Variants in ASAP1 observed in about 807,000 individuals in gnomAD.
The protein encoded by ASAP1 is arf-GAP with SH3 domain, ANK repeat and PH domain-containing protein 1.
Under a neutral mutation model 145.2 loss-of-function variants are expected in ASAP1, and 43 were observed. The observed-to-expected ratio is 0.30, with a 90% CI of 0.23 to 0.38. The LOEUF (loss-of-function observed/expected upper bound fraction) is 0.38. Ranked by LOEUF, ASAP1 falls within the 10% of genes least tolerant of loss-of-function variation. ASAP1 has a pLI of 1.00. For missense variants in ASAP1, 1,018 were observed against 1,355.3 expected, an observed-to-expected ratio of 0.75 and a Z score of 3.91; for synonymous variants, 546 against 515.5, an observed-to-expected ratio of 1.06 and a Z score of -0.80.
At chr8:130,269,505 T>G (rs945105606) in intron 3 of ASAP1, among the ~76,000 whole-genome samples, 1 of 152,266 alleles carries the variant, frequency 6.6e-6, no homozygotes, top group African/African-American at 2.4e-5. Flanking sequence ...GTTAAACTTA[T>G]GTCCCAACAG....
intron 1 of ASAP1, among the ~76,000 whole-genome samples, chr8:130,434,176 C>A (rs10098622): frequency 0.3 from 44,987 of 151,980 alleles, 6,885 homozygotes; most frequent in Middle Eastern, 0.35. Flanking sequence ...ATTAACTGTG[C>A]CTGGTGGCGC....
intron 27 of ASAP1, among the ~76,000 whole-genome samples, chr8:130,066,559 ATTCTTTCTTTCTTTT>A (rs944743171): frequency 1.3e-5 from 2 of 148,330 alleles, no homozygotes; most frequent in African/African-American, 2.5e-5. Context: ...TTTCTTTCTC[ATTCTTTCTTTCTTTT>A]TTCTTTCTTT....
At chr8:130,118,803 AC>A in intron 18 of ASAP1, 128 bp from the exon 19 acceptor site, 1 of 656,374 alleles carries the variant, frequency 1.5e-6, no homozygotes. Flanking sequence ...ATTCAAATAA[AC>A]CAGGTTTTAG....
chr8:130,303,028 T>TA (rs1003203349), intron 3 of ASAP1, among the ~76,000 whole-genome samples: 3 of 152,186 alleles, frequency 2.0e-5, no homozygotes, highest in Admixed American at 6.5e-5. Context: ...TTTGTTTGGT[T>TA]AAAAACCAAA....
intron 3 of ASAP1, among the ~76,000 whole-genome samples, chr8:130,264,368 G>A (rs746860594): frequency 1.3e-5 from 2 of 152,130 alleles, no homozygotes; most frequent in East Asian, 1.9e-4. Context: ...AGATGGACAC[G>A]ACTCTCAGGC....
chr8:130,093,076 C>A (rs2097509009), intron 24 of ASAP1, among the ~76,000 whole-genome samples: 2 of 151,794 alleles, frequency 1.3e-5, no homozygotes, highest in Non-Finnish European at 1.5e-5. Context: ...GAAGCCTGAA[C>A]AACATTTATA....
chr8:130,276,428 T>C (rs555080208), intron 3 of ASAP1, among the ~76,000 whole-genome samples: 1 of 152,258 alleles, frequency 6.6e-6, no homozygotes, highest in East Asian at 1.9e-4. Context: ...ATTCAAAATT[T>C]AGGCTTTTCT....
At chr8:130,180,907 T>TGAAA (rs1554840884) in intron 7 of ASAP1, 27 bp from the exon 8 acceptor site, 7 of 1,323,216 alleles carry the variant, frequency 5.3e-6, no homozygotes, top group Non-Finnish European at 7.2e-6. Context: ...TGTCATTATT[T>TGAAA]AAAAAAAAAA....
intron 3 of ASAP1, among the ~76,000 whole-genome samples, chr8:130,344,358 G>A (rs1825574096): frequency 1.3e-5 from 2 of 151,774 alleles, no homozygotes; most frequent in African/African-American, 2.4e-5. Flanking sequence ...TTTCAGACGA[G>A]AAAACATATT....
intron 2 of ASAP1, among the ~76,000 whole-genome samples, chr8:130,362,786 A>G (rs1265077417): frequency 1.3e-5 from 2 of 152,202 alleles, no homozygotes; most frequent in Non-Finnish European, 2.9e-5. Context: ...GAGGTAAATA[A>G]ATAGTATCTA....
Position 130,358,264 on chromosome 8 carries a change from C to G in ASAP1, c.60-121G>C. 1 of 721,348 alleles carries G rather than the reference C, an allele frequency of 1.4e-6. No homozygotes were observed. Among genetic ancestry groups the G allele is most frequent in the Non-Finnish European group, 1.8e-6 (1 of 565,898 alleles). The allele number at this position is 721,348 out of a possible 1,614,324, so 44.7% of individuals were successfully genotyped here. Reference sequence around the variant, plus strand: ...GCGCAGCCCGCCACCCGCCGCCCGGCCTGGCGCGCGGCTCCCGTCCCCGGC... The same window carrying G: ...GCGCAGCCCGCCACCCGCCGCCCGGGCTGGCGCGCGGCTCCCGTCCCCGGC... On this transcript the variant is annotated intron_variant, in intron 2 of 29. Transcript: ENST00000518721. This position sits in a 1 kb window ranked among gnomAD's most constrained non-coding sequence, Gnocchi z 4.1.
At chr8:130,055,535 TA>T (rs5895033) in intron 29 of ASAP1, among the ~76,000 whole-genome samples, 508 of 121,510 alleles carry the variant, frequency 4.2e-3, no homozygotes, top group Admixed American at 4.1e-3. Flanking sequence ...TTCTAGCCAG[TA>T]AAAAAAAAAA....
chr8:130,271,703 T>TA, intron 3 of ASAP1, among the ~76,000 whole-genome samples: 1 of 152,340 alleles, frequency 6.6e-6, no homozygotes, highest in South Asian at 2.1e-4. Flanking sequence ...CCCACTGAAC[T>TA]AAACTTGCTT....
chr8:130,081,987 A>G (rs1480759416), intron 25 of ASAP1, among the ~76,000 whole-genome samples: 2 of 152,234 alleles, frequency 1.3e-5, no homozygotes, highest in Non-Finnish European at 2.9e-5. Flanking sequence ...GCCCAAGGTC[A>G]GGTCACTGGT....
rs549575333 is a variant in ASAP1, at chr8:130,295,720, T to G, written c.187-58726A>C. 5.6e-4 allele frequency among the ~76,000 whole-genome samples: 85 copies of G among 152,280 alleles called. 1 individual carries two copies. The highest frequency in any genetic ancestry group is 1.6e-4 in the Non-Finnish European group (11 of 68,030). On this transcript the variant is annotated intron_variant, in intron 3 of 29. Transcript: ENST00000518721. ...GGTGGACTTAATGCTGGGCTCTAAC[T>G]TGGGCTGCCACTGGTTTCAGAAAGG...
At chr8:130,179,643 T>G (rs1417680831) in intron 8 of ASAP1, among the ~76,000 whole-genome samples, 1 of 152,212 alleles carries the variant, frequency 6.6e-6, no homozygotes, top group East Asian at 1.9e-4. Context: ...CTCAAACGTA[T>G]AGTTTATGTG....
At chr8:130,108,604 G>C (rs1215417523) in intron 24 of ASAP1, among the ~76,000 whole-genome samples, 1 of 152,044 alleles carries the variant, frequency 6.6e-6, no homozygotes, top group Admixed American at 6.5e-5. Context: ...TTCGTGACCA[G>C]CCTGGCCAAT....
intron 4 of ASAP1, among the ~76,000 whole-genome samples, chr8:130,231,112 T>C (rs530586267): frequency 6.6e-5 from 10 of 152,336 alleles, no homozygotes; most frequent in African/African-American, 2.4e-4. Flanking sequence ...TTGTGCACTA[T>C]GAGCTTTTTC....
At chr8:130,100,535 G>T (rs946595908) in intron 24 of ASAP1, among the ~76,000 whole-genome samples, 1 of 151,932 alleles carries the variant, frequency 6.6e-6, no homozygotes, top group Admixed American at 6.6e-5. Context: ...CACCATGTTG[G>T]CCAGGCTGGT....
Sources: allele counts gnomAD v4.1 joint callset (sites outside exome capture counted in the v4.1 genomes callset), GRCh38; gene constraint gnomAD v4.1.1; non-coding constraint Gnocchi (gnomAD v3.1); transcripts MANE v1.5; gene names NCBI Gene and HGNC (gene_info 2026-07-23, HGNC 2026-07-21).